Variants in C3orf20 observed in about 807,000 individuals in gnomAD.
C3orf20 encodes the protein family with sequence similarity 149 member C.
C3orf20 carries 76 observed loss-of-function variants against 88.3 expected under a neutral mutation model. The ratio of observed to expected loss-of-function variants is 0.86; its 90% confidence interval spans 0.72 to 1.04. C3orf20 has a LOEUF of 1.04. C3orf20 is among the 50% of genes least tolerant of loss of function. C3orf20 has a pLI of 0.00. For synonymous variants in C3orf20, 436 were observed against 437.4 expected (o/e 1.00, Z 0.04); for missense variants, 1,056 against 1,123.3 (o/e 0.94, Z 0.86).
At chr3:14,716,437 G>A (rs995350573) in intron 9 of C3orf20, among the ~76,000 whole-genome samples, 11 of 152,060 alleles carry the variant, frequency 7.2e-5, no homozygotes, top group African/African-American at 2.4e-4. Flanking sequence ...TGCATGGGAG[G>A]GCTCCAGCAC....
rs759613587 is a variant in C3orf20, at chr3:14,683,163, A to G, written c.450A>G (p.Arg150=). Residue 150 remains arginine, a synonymous_variant, in exon 3 of 17, where the codon AGA becomes AGG. Transcript: ENST00000253697. The stretch of plus-strand genomic sequence containing the variant: ...TCCACCTGCTGACGGAGCTCCTCAG[A>G]CTGAAGATGAAGGCCATGGTGGAGT... The part of the protein sequence containing the change: ...QSIHLLTELL[R]LKMKAMVESM... 1.2e-6 allele frequency: 2 copies of G among 1,607,132 alleles called. No homozygotes were observed. The highest frequency in any genetic ancestry group is 1.7e-6 in the Non-Finnish European group (2 of 1,176,692).
At chr3:14,748,574 A>G (rs1371292053) in intron 12 of C3orf20, among the ~76,000 whole-genome samples, 2 of 152,054 alleles carry the variant, frequency 1.3e-5, no homozygotes, top group African/African-American at 2.4e-5. Context: ...TTCTCTTTTA[A>G]TGTAGGCATT....
At chr3:14,722,866 G>C (rs754044558) in intron 10 of C3orf20, among the ~76,000 whole-genome samples, 1 of 152,150 alleles carries the variant, frequency 6.6e-6, no homozygotes, top group Middle Eastern at 3.2e-3. Flanking sequence ...AGGTGGAGAG[G>C]ATTAAGAGGA....
In C3orf20 at chr3:14,761,351, G is replaced by A. The variant is rs139998957; in HGVS notation, c.2353-122G>A. The A allele has an allele frequency of 1.9e-3, 2,270 of 1,183,006 alleles. 36 individuals carry two copies. The African/African-American group carries it at 0.029, about 15-fold the overall frequency. The allele number at this position is 1,183,006 out of a possible 1,614,324, so 73.3% of individuals were successfully genotyped here. Reference sequence around the variant, plus strand: ...CCCAGCCACCCCAGGCCTGCCTCACGGCGTAAGCTCTGAGAGGCCTGTGGC... The same window carrying A: ...CCCAGCCACCCCAGGCCTGCCTCACAGCGTAAGCTCTGAGAGGCCTGTGGC... On this transcript the variant is annotated intron_variant, in intron 14 of 16. Coordinates refer to ENST00000253697, the MANE Select transcript of C3orf20 (RefSeq NM_032137.5).
At chr3:14,675,816 G>A (rs1370831901) in intron 1 of C3orf20, among the ~76,000 whole-genome samples, 4 of 152,056 alleles carry the variant, frequency 2.6e-5, no homozygotes, top group Middle Eastern at 3.4e-3. Context: ...TCAGCCTCCC[G>A]AGTAGCTGGG....
chr3:14,724,707 TA>T (rs978537635), intron 10 of C3orf20, among the ~76,000 whole-genome samples: 1 of 152,254 alleles, frequency 6.6e-6, no homozygotes, highest in African/African-American at 2.4e-5. Flanking sequence ...TATACTGGTT[TA>T]AATAAATAGA....
chr3:14,682,537 T>C (rs2124883219), intron 2 of C3orf20, 41 bp from the exon 3 acceptor site: 1 of 814,192 alleles, frequency 1.2e-6, no homozygotes, highest in Non-Finnish European at 1.9e-6. Context: ...TGCCCTACTA[T>C]GGGGAGAGTG....
intron 15 of C3orf20, chr3:14,765,180 T>A (rs1307110609): frequency 6.6e-6 from 1 of 152,258 alleles, no homozygotes; most frequent in Middle Eastern, 3.2e-3. Context: ...CCTCTGTGAT[T>A]GGCCGGTCCA....
chr3:14,770,888 C>T (rs546919957), intron 15 of C3orf20, among the ~76,000 whole-genome samples: 1 of 152,338 alleles, frequency 6.6e-6, no homozygotes, highest in Non-Finnish European at 1.5e-5. Flanking sequence ...CTGTGAATCT[C>T]AGAAACATCC....
intron 10 of C3orf20, chr3:14,722,576 A>C (rs937229624): frequency 4.4e-6 from 2 of 456,588 alleles, no homozygotes; most frequent in Non-Finnish European, 8.8e-6. Context: ...AGGTAGAGTC[A>C]GTCTCTCCCT....
intron 1 of C3orf20, among the ~76,000 whole-genome samples, chr3:14,680,273 G>A (rs2032018421): frequency 6.6e-6 from 1 of 152,108 alleles, no homozygotes; most frequent in Non-Finnish European, 1.5e-5. Flanking sequence ...CAAATGAGTG[G>A]ATCAACAAAT....
At chr3:14,722,349 G>A in intron 10 of C3orf20, 1 of 405,426 alleles carries the variant, frequency 2.5e-6, no homozygotes, top group South Asian at 1.8e-5. Flanking sequence ...GTGGCCAGGA[G>A]TATGTATTGC....
intron 5 of C3orf20, among the ~76,000 whole-genome samples, chr3:14,699,974 C>A (rs1384790877): frequency 1.3e-5 from 2 of 152,230 alleles, no homozygotes. Context: ...TCTAAATGCT[C>A]CCTCCATGAG....
chr3:14,686,070 C>T (rs1486150641), intron 4 of C3orf20, among the ~76,000 whole-genome samples: 1 of 152,072 alleles, frequency 6.6e-6, no homozygotes, highest in Non-Finnish European at 1.5e-5. Flanking sequence ...CCATGTTGGC[C>T]AGGATGGTCT....
chr3:14,692,416 C>T (rs931046001), intron 5 of C3orf20, among the ~76,000 whole-genome samples: 3 of 152,148 alleles, frequency 2.0e-5, no homozygotes, highest in Non-Finnish European at 4.4e-5. Flanking sequence ...TTGTTGTTGC[C>T]TGTCTTTTGG....
chr3:14,767,126 CT>C (rs1372917057), intron 15 of C3orf20: 2 of 152,382 alleles, frequency 1.3e-5, no homozygotes, highest in African/African-American at 2.4e-5. Flanking sequence ...TCTGCCTCGC[CT>C]GCTAGCCTGT....
At chr3:14,770,574 G>A (rs574670796) in intron 15 of C3orf20, among the ~76,000 whole-genome samples, 24 of 152,206 alleles carry the variant, frequency 1.6e-4, no homozygotes, top group African/African-American at 5.5e-4. Context: ...CCTGTCCCCA[G>A]CCCAGCCTTA....
In C3orf20 at chr3:14,697,745, TC is replaced by T. The variant is rs2124923476; in HGVS notation, c.746-5379del. ...GCCAACAGGCCCTAGTGTGTGATGT[TC>T]CCCCCTCTGTGTGCAAGTGATCTCA... On this transcript the variant is annotated intron_variant, in intron 5 of 16. Coordinates refer to ENST00000253697, the MANE Select transcript of C3orf20 (RefSeq NM_032137.5). Among the ~76,000 whole-genome samples the T allele has an allele frequency of 1.5e-5, 2 of 136,890 alleles. 1 individual carries two copies. The highest frequency in any genetic ancestry group is 1.6e-4 in the Admixed American group (2 of 12,650). 89.8% of individuals were successfully genotyped at this position (136,890 alleles called of 152,430 possible). A position where few individuals can be genotyped will look rare whatever the true frequency, so the allele number is the denominator to read the frequency against.
At chr3:14,760,703 G>A (rs931500046) in intron 14 of C3orf20, among the ~76,000 whole-genome samples, 4 of 144,910 alleles carry the variant, frequency 2.8e-5, no homozygotes, top group Non-Finnish European at 4.5e-5. Flanking sequence ...TCTGCCTCCC[G>A]GATTCAAGTG....
Sources: gnomAD v4.1 joint callset for allele counts (sites outside exome capture counted in the v4.1 genomes callset) on GRCh38, gnomAD v4.1.1 for gene constraint, MANE v1.5 for transcripts, NCBI Gene and HGNC (gene_info 2026-07-23, HGNC 2026-07-21) for gene names.